The following PALM2AKAP2 variants were observed in gnomAD, a reference collection of about 807,000 sequenced individuals.
PALM2AKAP2 encodes PALM2 and AKAP2 fusion, also known as PALM2-AKAP2 fusion protein.
Under a neutral mutation model 71.5 loss-of-function variants are expected in PALM2AKAP2, and 37 were observed. The observed-to-expected ratio is 0.52, with a 90% CI of 0.40 to 0.68. The LOEUF is 0.68. Among genes scored for constraint, PALM2AKAP2 ranks in the 30% least tolerant of loss-of-function variants. The pLI, the probability that PALM2AKAP2 is intolerant of heterozygous loss-of-function variation, is 0.00. For synonymous variants in PALM2AKAP2, 468 were observed against 478.8 expected (o/e 0.98, Z 0.29); for missense variants, 1,224 against 1,191.8 (o/e 1.03, Z -0.40).
chr9:109,992,450 G>T (rs951057522), intron 6 of PALM2AKAP2, among the ~76,000 whole-genome samples: 2 of 152,086 alleles, frequency 1.3e-5, no homozygotes, highest in African/African-American at 4.8e-5. Context: ...TTGAGACAGG[G>T]TCTACTTCTG....
At chr9:110,125,630 T>C in intron 1 of PALM2AKAP2, 1 of 979,452 alleles carries the variant, frequency 1.0e-6, no homozygotes, top group Non-Finnish European at 1.2e-6. Context: ...CTTCGTGTCC[T>C]TTTCTTTCTA....
intron 1 of PALM2AKAP2, among the ~76,000 whole-genome samples, chr9:109,837,022 C>T (rs1828500033): frequency 6.6e-6 from 1 of 152,142 alleles, no homozygotes; most frequent in Non-Finnish European, 1.5e-5. Flanking sequence ...TCAGGAAATA[C>T]AGAGAACGCC....
At chr9:110,074,950 C>T (rs1834287326) in intron 1 of PALM2AKAP2, among the ~76,000 whole-genome samples, 1 of 151,794 alleles carries the variant, frequency 6.6e-6, no homozygotes. Context: ...TTGCAGTGAG[C>T]CAAGATTGTG....
At chr9:109,983,528 G>A (rs1832316727) in intron 6 of PALM2AKAP2, among the ~76,000 whole-genome samples, 1 of 151,938 alleles carries the variant, frequency 6.6e-6, no homozygotes, top group Admixed American at 6.6e-5. Context: ...AGCATTTAGG[G>A]TGGCTTGCAG....
intron 1 of PALM2AKAP2, among the ~76,000 whole-genome samples, chr9:110,133,672 C>T (rs1248499858): frequency 6.6e-6 from 1 of 152,080 alleles, no homozygotes; most frequent in Non-Finnish European, 1.5e-5. Flanking sequence ...CCGCCCACCC[C>T]GGCCCCCAAG....
At chr9:109,952,138 C>CA (rs1250563162) in intron 6 of PALM2AKAP2, among the ~76,000 whole-genome samples, 3 of 152,256 alleles carry the variant, frequency 2.0e-5, no homozygotes, top group Non-Finnish European at 4.4e-5. Context: ...CTCAGCTCTG[C>CA]TGCAAAGCAG....
intron 1 of PALM2AKAP2, among the ~76,000 whole-genome samples, chr9:110,050,915 A>G (rs1340762512): frequency 6.6e-6 from 1 of 152,192 alleles, no homozygotes; most frequent in East Asian, 1.9e-4. Flanking sequence ...GGCATGAGCC[A>G]CCACACCCGG....
intron 2 of PALM2AKAP2, among the ~76,000 whole-genome samples, chr9:109,880,036 T>C (rs534114496): frequency 5.2e-4 from 79 of 152,300 alleles, no homozygotes; most frequent in Non-Finnish European, 2.9e-5. Context: ...AGATTATTAC[T>C]GAAGATGATT....
At chr9:109,884,075 C>G (rs1829911830) in intron 3 of PALM2AKAP2, among the ~76,000 whole-genome samples, 1 of 152,244 alleles carries the variant, frequency 6.6e-6, no homozygotes, top group Admixed American at 6.5e-5. Flanking sequence ...ATGAATAATT[C>G]AGTTTTCCAG....
chr9:109,741,091 A>T (rs1564131048), intron 1 of PALM2AKAP2, among the ~76,000 whole-genome samples: 1 of 152,210 alleles, frequency 6.6e-6, no homozygotes, highest in Non-Finnish European at 1.5e-5. Context: ...CTAGACATAG[A>T]GGATTTTCAT....
At chr9:109,715,470 G>A (rs76622491) in intron 1 of PALM2AKAP2, among the ~76,000 whole-genome samples, 4,600 of 152,144 alleles carry the variant, frequency 0.03, 232 homozygotes, top group African/African-American at 0.11. Context: ...GCTTATCTCC[G>A]TTCTTCTTCC....
At chr9:109,744,180 G>T (rs192905016) in intron 1 of PALM2AKAP2, among the ~76,000 whole-genome samples, 170 of 152,306 alleles carry the variant, frequency 1.1e-3, no homozygotes, top group African/African-American at 3.8e-3. Context: ...CTCTCAGAAT[G>T]CAGAGAAAAG....
At chr9:109,874,215 G>C (rs1289187346) in intron 2 of PALM2AKAP2, among the ~76,000 whole-genome samples, 2 of 152,172 alleles carry the variant, frequency 1.3e-5, no homozygotes, top group African/African-American at 4.8e-5. Context: ...GGGCAAGTGG[G>C]GGAGAGAGAG....
At chr9:109,794,002 C>T (rs920714731) in intron 1 of PALM2AKAP2, among the ~76,000 whole-genome samples, 2 of 152,220 alleles carry the variant, frequency 1.3e-5, no homozygotes, top group African/African-American at 2.4e-5. Flanking sequence ...TTGCCAACCC[C>T]TGCTTTCTAC....
chr9:109,798,457 A>G (rs2131387601), intron 1 of PALM2AKAP2, among the ~76,000 whole-genome samples: 1 of 152,320 alleles, frequency 6.6e-6, no homozygotes, highest in East Asian at 1.9e-4. Context: ...TATGCCATTA[A>G]TGGCTCAAAC....
intron 1 of PALM2AKAP2, among the ~76,000 whole-genome samples, chr9:110,079,759 T>C (rs1476617780): frequency 6.6e-6 from 1 of 152,104 alleles, no homozygotes; most frequent in East Asian, 1.9e-4. Flanking sequence ...TGTTGCCTAC[T>C]GAGAAAATAC....
intron 5 of PALM2AKAP2, among the ~76,000 whole-genome samples, chr9:109,930,349 T>C (rs189358576): frequency 6.6e-6 from 1 of 151,766 alleles, no homozygotes; most frequent in Non-Finnish European, 1.5e-5. Context: ...CCTCAGCCCC[T>C]CTAGTAGCTG....
chr9:110,053,160 G>A lies in PALM2AKAP2; in HGVS notation c.156+4305G>A, dbSNP rs181281560. On this transcript the variant is annotated intron_variant, in intron 1 of 3. Transcript: ENST00000374525. ...CTGCCCTCGCCTCCTTTTCCCTTTC[G>A]TGCTCCTGTCTCCCATCTAGGAGGA... Among the ~76,000 whole-genome samples the A allele has an allele frequency of 1.3e-4, 20 of 152,188 alleles. 1 individual carries two copies. The Middle Eastern group carries it at 0.01, about 78-fold the overall frequency.
At chr9:109,992,160 TC>T (rs1276151857) in intron 6 of PALM2AKAP2, among the ~76,000 whole-genome samples, 2 of 152,160 alleles carry the variant, frequency 1.3e-5, no homozygotes, top group African/African-American at 4.8e-5. Flanking sequence ...TAGGGGTGCT[TC>T]CGGGCCTCTC....
Sources: gnomAD v4.1 joint callset for allele counts (sites outside exome capture counted in the v4.1 genomes callset) on GRCh38, gnomAD v4.1.1 for gene constraint, MANE v1.5 for transcripts, NCBI Gene and HGNC (gene_info 2026-07-23, HGNC 2026-07-21) for gene names.